PBX4: variants seen among roughly 807,000 people sequenced by gnomAD.
PBX4 encodes the protein pre-B-cell leukemia transcription factor 4.
In PBX4, 26 loss-of-function variants were observed where a neutral mutation model predicts 35.1. The observed-to-expected ratio is 0.74, with a 90% CI of 0.54 to 1.03. The LOEUF is 1.03. Ranked by LOEUF, PBX4 falls within the 50% of genes least tolerant of loss-of-function variation. The pLI, the probability that PBX4 is intolerant of heterozygous loss-of-function variation, is 0.00. For synonymous variants in PBX4, 199 were observed against 204.2 expected (o/e 0.97, Z 0.22); for missense variants, 448 against 504.3 (o/e 0.89, Z 1.07).
chr19:19,576,427 T>C (rs1031441392), intron 2 of PBX4, among the ~76,000 whole-genome samples: 1 of 152,048 alleles, frequency 6.6e-6, no homozygotes, highest in African/African-American at 2.4e-5. Flanking sequence ...GGTTTCACCA[T>C]GTTGGCCAGG....
intron 1 of PBX4, among the ~76,000 whole-genome samples, chr19:19,602,464 T>A (rs1159166405): frequency 6.6e-6 from 1 of 152,046 alleles, no homozygotes; most frequent in Non-Finnish European, 1.5e-5. Context: ...TTTTTCTTTT[T>A]CTTTTTGAGA....
intron 1 of PBX4, among the ~76,000 whole-genome samples, chr19:19,617,140 A>T (rs1407665423): frequency 3.3e-5 from 5 of 151,772 alleles, no homozygotes; most frequent in African/African-American, 1.2e-4. Flanking sequence ...ATAGCATGCA[A>T]CCCCTATCCC....
chr19:19,613,508 TG>T (rs2061673888), intron 1 of PBX4, among the ~76,000 whole-genome samples: 2 of 150,100 alleles, frequency 1.3e-5, no homozygotes, highest in African/African-American at 4.9e-5. Context: ...ATCTAAAGCC[TG>T]TCTAGGGAAA....
chr19:19,576,327 G>A, intron 2 of PBX4, among the ~76,000 whole-genome samples: 1 of 152,144 alleles, frequency 6.6e-6, no homozygotes, highest in South Asian at 2.1e-4. Context: ...CTTGGTTCAA[G>A]CAATTCTCCT....
At chr19:19,574,208 A>G (rs1190121073) in intron 2 of PBX4, among the ~76,000 whole-genome samples, 1 of 152,188 alleles carries the variant, frequency 6.6e-6, no homozygotes, top group African/African-American at 2.4e-5. Flanking sequence ...CAAGTCTATG[A>G]AAAATCATCA....
chr19:19,585,369 T>C (rs569572591), intron 2 of PBX4, among the ~76,000 whole-genome samples: 1 of 151,924 alleles, frequency 6.6e-6, no homozygotes, highest in Non-Finnish European at 1.5e-5. Flanking sequence ...TCTTAAGTCA[T>C]GGAAGTTTCT....
At position 19,570,793 on chromosome 19, in the gene PBX4, G is replaced by A. The variant is rs112528821; in HGVS notation, c.234C>T (p.Asp78=). 93 of 1,614,108 alleles carry A rather than the reference G, an allele frequency of 5.8e-5. No individual in the cohort carries two copies. Among genetic ancestry groups the A allele is most frequent in the African/African-American group, 2.3e-4 (17 of 75,056 alleles). ...IRGIQDEDPP[D]AQLLRLDNML... is the part of the protein sequence containing the mutation. ...TGTTATCCAGCCTCAGGAGCTGGGCGTCAGGGGGATCTTCGTCTTGAATGC... is the reference window on the plus strand; with the variant it reads ...TGTTATCCAGCCTCAGGAGCTGGGCATCAGGGGGATCTTCGTCTTGAATGC... The change falls in exon 3 of 8, where the codon GAC becomes GAT. Residue 78 remains aspartate, a synonymous_variant. Transcript: ENST00000251203.
chr19:19,607,723 G>A (rs1195649551), intron 1 of PBX4, among the ~76,000 whole-genome samples: 1 of 152,158 alleles, frequency 6.6e-6, no homozygotes, highest in African/African-American at 2.4e-5. Context: ...CCAACAGTAT[G>A]TTTTAGCTGA....
intron 2 of PBX4, chr19:19,580,017 C>T (rs1600412810): frequency 6.6e-6 from 1 of 152,292 alleles, no homozygotes; most frequent in East Asian, 1.9e-4. Context: ...GGGTTGACGC[C>T]TGGTGAGAGG....
At position 19,562,155 on chromosome 19, in the gene PBX4, G is replaced by C. The variant is rs374006811; in HGVS notation, c.1033-38C>G. 1 of 1,510,182 alleles carries C rather than the reference G, an allele frequency of 6.6e-7. No individual in the cohort carries two copies. Among genetic ancestry groups the C allele is most frequent in the Non-Finnish European group, 9.1e-7 (1 of 1,103,082 alleles). 93.5% of individuals were successfully genotyped at this position (1,510,182 alleles called of 1,614,324 possible). ...AGACTGAGCATCAGAGTGGGTGGCCGTGAGACTGGTGACTACCCAGCCCAC... is the reference window on the plus strand; with the variant it reads ...AGACTGAGCATCAGAGTGGGTGGCCCTGAGACTGGTGACTACCCAGCCCAC... On this transcript the variant is annotated intron_variant, in intron 7 of 7. Transcript: ENST00000251203. The surrounding 1 kb of genome is among the most constrained non-coding windows in gnomAD (Gnocchi z 4.8).
chr19:19,588,736 A>G (rs2061507064), intron 2 of PBX4, among the ~76,000 whole-genome samples: 1 of 152,188 alleles, frequency 6.6e-6, no homozygotes, highest in Admixed American at 6.5e-5. Context: ...AGCAACATGC[A>G]CACTAACCAT....
At chr19:19,612,904 C>CG (rs1266589545) in intron 1 of PBX4, among the ~76,000 whole-genome samples, 4 of 151,900 alleles carry the variant, frequency 2.6e-5, no homozygotes, top group African/African-American at 9.7e-5. Context: ...CTGCAACCTC[C>CG]GTCTCCAGGG....
At chr19:19,616,922 T>C (rs2061691885) in intron 1 of PBX4, among the ~76,000 whole-genome samples, 2 of 152,110 alleles carry the variant, frequency 1.3e-5, no homozygotes, top group East Asian at 3.9e-4. Context: ...GACCTCGTGA[T>C]TCACCTGCCT....
chr19:19,564,698 G>A (rs2061330035), intron 6 of PBX4: 2 of 552,222 alleles, frequency 3.6e-6, no homozygotes, highest in African/African-American at 3.8e-5. Context: ...ACCGCACCCA[G>A]ACCTTTCATG....
chr19:19,590,759 G>A (rs1003331599), intron 2 of PBX4, among the ~76,000 whole-genome samples: 3 of 152,146 alleles, frequency 2.0e-5, no homozygotes, highest in African/African-American at 7.2e-5. Flanking sequence ...GTGAGCCATG[G>A]CGCCTGGACA....
chr19:19,565,263 C>T (rs1381332225), intron 5 of PBX4, among the ~76,000 whole-genome samples, 174 bp from the exon 6 acceptor site: 1 of 152,196 alleles, frequency 6.6e-6, no homozygotes, highest in East Asian at 1.9e-4. Context: ...ACCACGGACC[C>T]AGGGAGATGT....
intron 2 of PBX4, among the ~76,000 whole-genome samples, chr19:19,581,643 G>T (rs541541902): frequency 6.6e-6 from 1 of 152,286 alleles, no homozygotes; most frequent in South Asian, 2.1e-4. Flanking sequence ...ACAAGGAAGG[G>T]GAGACAAAGG....
intron 2 of PBX4, among the ~76,000 whole-genome samples, chr19:19,573,710 G>A (rs1369188531): frequency 1.3e-5 from 2 of 151,820 alleles, no homozygotes; most frequent in South Asian, 2.1e-4. Flanking sequence ...AAATAAAGCC[G>A]CCAGCAACTC....
At chr19:19,567,092 A>T (rs2061347207) in intron 5 of PBX4, among the ~76,000 whole-genome samples, 1 of 152,192 alleles carries the variant, frequency 6.6e-6, no homozygotes, top group Non-Finnish European at 1.5e-5. Context: ...TTCCAAACAT[A>T]GTGTCTGCCT....
Sources: allele counts gnomAD v4.1 joint callset (sites outside exome capture counted in the v4.1 genomes callset), GRCh38; gene constraint gnomAD v4.1.1; non-coding constraint Gnocchi (gnomAD v3.1); transcripts MANE v1.5; gene names NCBI Gene and HGNC (gene_info 2026-07-23, HGNC 2026-07-21).